Variants in NECAB1 observed in about 807,000 individuals in gnomAD.
NECAB1 encodes N-terminal EF-hand calcium binding protein 1, also known as N-terminal EF-hand calcium-binding protein 1.
In NECAB1, 29 loss-of-function variants were observed where a neutral mutation model predicts 57.5. The observed-to-expected ratio is 0.50, with a 90% CI of 0.38 to 0.69. The LOEUF (loss-of-function observed/expected upper bound fraction) is 0.69, where lower values mean the gene tolerates loss of function less well. Among genes scored for constraint, NECAB1 ranks in the 30% least tolerant of loss-of-function variants. The pLI, the probability that NECAB1 is intolerant of heterozygous loss-of-function variation, is 0.00. For missense variants in NECAB1, 372 were observed against 413.8 expected (o/e 0.90, Z 0.88); for synonymous variants, 142 against 147.7 (o/e 0.96, Z 0.28).
At chr8:90,927,935 A>G (rs1478010756) in intron 7 of NECAB1, among the ~76,000 whole-genome samples, 3 of 152,074 alleles carry the variant, frequency 2.0e-5, no homozygotes, top group Admixed American at 2.0e-4. Context: ...AAGAAAACCA[A>G]CTACATCACG....
chr8:90,887,626 T>G (rs1809038812), intron 5 of NECAB1, among the ~76,000 whole-genome samples: 1 of 152,016 alleles, frequency 6.6e-6, no homozygotes, highest in Non-Finnish European at 1.5e-5. Context: ...AGCGAGAAGG[T>G]GAGACTCAAA....
intron 5 of NECAB1, among the ~76,000 whole-genome samples, chr8:90,888,069 C>G (rs934593604): frequency 2.6e-5 from 4 of 152,070 alleles, no homozygotes; most frequent in Non-Finnish European, 5.9e-5. Flanking sequence ...CCATCCCAAC[C>G]AGAAATAAGG....
At chr8:90,792,370 ACT>A (rs1478251008) in intron 1 of NECAB1, among the ~76,000 whole-genome samples, 1 of 151,992 alleles carries the variant, frequency 6.6e-6, no homozygotes, top group Non-Finnish European at 1.5e-5. Context: ...CAGCCTTCAC[ACT>A]CGTGGATGCT....
chr8:90,819,366 T>G (rs976945598), intron 2 of NECAB1, among the ~76,000 whole-genome samples: 1 of 151,978 alleles, frequency 6.6e-6, no homozygotes, highest in Non-Finnish European at 1.5e-5. Flanking sequence ...TTGTGAATTT[T>G]TGTGTGTGTG....
intron 5 of NECAB1, among the ~76,000 whole-genome samples, chr8:90,886,062 T>C (rs964218338): frequency 6.6e-6 from 1 of 152,210 alleles, no homozygotes; most frequent in African/African-American, 2.4e-5. Context: ...AGGAAGTTCA[T>C]ATTTTTTATC....
intron 4 of NECAB1, 168 bp downstream of exon 4, chr8:90,872,321 G>A (rs1346875550): frequency 3.0e-5 from 16 of 537,270 alleles, no homozygotes; most frequent in Non-Finnish European, 3.8e-5. Flanking sequence ...TTTTGCTCAA[G>A]TATGTATTTC....
intron 6 of NECAB1, among the ~76,000 whole-genome samples, chr8:90,917,849 T>TATATATATAC (rs1255759381): frequency 2.4e-5 from 2 of 82,074 alleles, no homozygotes; most frequent in African/African-American, 2.4e-4. Context: ...ACTATATATA[T>TATATATATAC]ATATATATAT....
intron 2 of NECAB1, among the ~76,000 whole-genome samples, chr8:90,805,858 C>T (rs1471941270): frequency 1.3e-5 from 2 of 151,882 alleles, no homozygotes; most frequent in African/African-American, 2.4e-5. Context: ...CATTCATCAC[C>T]ACCCATCGTG....
At chr8:90,864,269 C>A (rs542049604) in intron 3 of NECAB1, among the ~76,000 whole-genome samples, 1 of 138,788 alleles carries the variant, frequency 7.2e-6, no homozygotes, top group African/African-American at 2.7e-5. Flanking sequence ...TAAGAAACAA[C>A]TCTGGTGGAA....
intron 2 of NECAB1, among the ~76,000 whole-genome samples, chr8:90,823,724 C>G (rs1482414435): frequency 6.6e-6 from 1 of 151,712 alleles, no homozygotes; most frequent in Non-Finnish European, 1.5e-5. Flanking sequence ...GTTTCGTGAC[C>G]CTGGACAAAT....
Position 90,947,306 on chromosome 8 carries a change from ACAC to A in NECAB1, c.861-2500_861-2498del, listed in dbSNP as rs1563545952. Among the ~76,000 whole-genome samples the A allele has an allele frequency of 3.9e-4, 37 of 95,610 alleles. 1 individual carries two copies. Among genetic ancestry groups the A allele is most frequent in the African/African-American group, 9.0e-4 (24 of 26,664 alleles). 62.7% of individuals were successfully genotyped at this position (95,610 alleles called of 152,430 possible). ...TAGCTATTGGGCTAACAACACATAC[ACAC>A]ACACACACACACACACACACACACA... On this transcript the variant is annotated intron_variant, in intron 10 of 12. Transcript: ENST00000417640.
intron 5 of NECAB1, among the ~76,000 whole-genome samples, chr8:90,907,139 T>TGA (rs1287665534): frequency 8.1e-6 from 1 of 123,614 alleles, no homozygotes; most frequent in Non-Finnish European, 1.6e-5. Context: ...TGTGTGTGTG[T>TGA]GTGTGTGTGT....
chr8:90,876,865 G>A (rs568602299), intron 4 of NECAB1, among the ~76,000 whole-genome samples: 2 of 152,222 alleles, frequency 1.3e-5, no homozygotes, highest in African/African-American at 4.8e-5. Context: ...ATTTCCATAA[G>A]TGCAATATGA....
intron 5 of NECAB1, among the ~76,000 whole-genome samples, chr8:90,885,297 C>T (rs1188670218): frequency 6.6e-6 from 1 of 152,134 alleles, no homozygotes; most frequent in East Asian, 1.9e-4. Context: ...AGGCTCAAGA[C>T]TTGCACTGGC....
chr8:90,823,764 T>C (rs934500224), intron 2 of NECAB1, among the ~76,000 whole-genome samples: 1 of 151,878 alleles, frequency 6.6e-6, no homozygotes, highest in Non-Finnish European at 1.5e-5. Flanking sequence ...AGTTTTCTCA[T>C]TGTAGATGGA....
At chr8:90,924,084 A>G (rs1486143297) in intron 6 of NECAB1, among the ~76,000 whole-genome samples, 1 of 152,256 alleles carries the variant, frequency 6.6e-6, no homozygotes, top group Non-Finnish European at 1.5e-5. Flanking sequence ...GGAAACAAAG[A>G]CAAGTGTCTA....
At chr8:90,877,341 C>T (rs1808746617) in intron 4 of NECAB1, among the ~76,000 whole-genome samples, 1 of 152,176 alleles carries the variant, frequency 6.6e-6, no homozygotes, top group Non-Finnish European at 1.5e-5. Flanking sequence ...TGCATCCCTT[C>T]CTTTTCTGAT....
chr8:90,820,742 AG>A (rs1812130755), intron 2 of NECAB1, among the ~76,000 whole-genome samples: 1 of 151,688 alleles, frequency 6.6e-6, no homozygotes, highest in Non-Finnish European at 1.5e-5. Flanking sequence ...CTAAAAAAAA[AG>A]TCTGTCATTA....
intron 5 of NECAB1, among the ~76,000 whole-genome samples, chr8:90,885,013 A>C (rs767700519): frequency 1.3e-5 from 2 of 152,170 alleles, no homozygotes; most frequent in Non-Finnish European, 2.9e-5. Context: ...AGTTATCCTG[A>C]AGGACTCTGC....
Sources: allele counts gnomAD v4.1 joint callset (sites outside exome capture counted in the v4.1 genomes callset), GRCh38; gene constraint gnomAD v4.1.1; transcripts MANE v1.5; gene names NCBI Gene and HGNC (gene_info 2026-07-23, HGNC 2026-07-21).